The following PDIA6 variants were observed in gnomAD, a reference collection of about 807,000 sequenced individuals.
PDIA6 encodes protein disulfide isomerase family A member 6, also known as protein disulfide-isomerase A6.
PDIA6 carries 29 observed loss-of-function variants against 58.4 expected under a neutral mutation model. The ratio of observed to expected loss-of-function variants is 0.50; its 90% CI spans 0.37 to 0.68. PDIA6 has a LOEUF of 0.68. Ranked by LOEUF, PDIA6 falls within the 30% of genes least tolerant of loss-of-function variation. The pLI, the probability that PDIA6 is intolerant of heterozygous loss-of-function variation, is 0.00. For synonymous variants in PDIA6, 192 were observed against 202.6 expected (o/e 0.95, Z 0.44); for missense variants, 480 against 551.0 (o/e 0.87, Z 1.29).
chr2:10,822,027 C>T (rs1667411476), intron 1 of PDIA6, among the ~76,000 whole-genome samples: 1 of 151,510 alleles, frequency 6.6e-6, no homozygotes. Flanking sequence ...ACAGCCTCAA[C>T]CTCCTGGGCT....
intron 9 of PDIA6, 59 bp downstream of exon 9, chr2:10,788,838 A>C (rs1219059386): frequency 5.2e-6 from 8 of 1,552,170 alleles, no homozygotes; most frequent in Middle Eastern, 1.7e-4. Context: ...CCATTTAGAA[A>C]GTATTCTCAG....
rs757654682 is a variant in PDIA6 at position 10,789,933 on chromosome 2, T to G, written c.700-44A>C. The G allele has an allele frequency of 1.3e-6, 2 of 1,541,626 alleles. No individual in the cohort carries two copies. The highest frequency in any genetic ancestry group is 2.3e-5 in the South Asian group (2 of 87,534). The stretch of plus-strand genomic sequence containing the variant: ...AGGATAAAATCCAATTAACACTTAA[T>G]GCAAAATAACACAATCTTTACAGTT... On this transcript the variant is annotated intron_variant, in intron 7 of 12. Transcript: ENST00000272227.
chr2:10,820,097 C>A (rs1474863729), intron 1 of PDIA6, among the ~76,000 whole-genome samples: 1 of 152,154 alleles, frequency 6.6e-6, no homozygotes, highest in Admixed American at 6.5e-5. Context: ...TGGGGTAATA[C>A]CTGTGGTTCG....
intron 1 of PDIA6, chr2:10,823,417 G>A (rs1667458729): frequency 6.6e-6 from 1 of 152,212 alleles, no homozygotes; most frequent in African/African-American, 2.4e-5. Flanking sequence ...AAGTGGGAGA[G>A]GGTTAAGAAG....
chr2:10,836,371 T>C (rs1667832573), upstream of PDIA6, among the ~76,000 whole-genome samples: 1 of 152,052 alleles, frequency 6.6e-6, no homozygotes, highest in South Asian at 2.1e-4. Flanking sequence ...TTATTATTTA[T>C]TTATTTATTT....
In PDIA6 at chr2:10,793,109, C is replaced by T; in HGVS notation, c.440G>A (p.Ser147Asn). 1.9e-6 allele frequency: 3 copies of T among 1,611,950 alleles called. No homozygotes were observed. Among genetic ancestry groups the T allele is most frequent in the Non-Finnish European group, 2.5e-6 (3 of 1,177,992 alleles). Reference sequence around the variant, plus strand: ...TTATGGTCTTACTTGTTTTCCAGAACTGTATCCTCCGCTCCGTCCCCCGAG... The same window carrying T: ...TTATGGTCTTACTTGTTTTCCAGAATTGTATCCTCCGCTCCGTCCCCCGAG... Reference protein sequence around the residue: ...DRLGGRSGGYSSGKQGRSDSS... With the variant: ...DRLGGRSGGYNSGKQGRSDSS... The change falls in exon 5 of 13, where the codon AGT becomes AAT. Residue 147 changes from serine to asparagine, a missense_variant. By Grantham distance (46) the Ser-to-Asn change is conservative. Transcript: ENST00000272227.
upstream of PDIA6, among the ~76,000 whole-genome samples, chr2:10,834,180 C>T (rs1250920572): frequency 6.6e-6 from 1 of 152,228 alleles, no homozygotes; most frequent in African/African-American, 2.4e-5. Context: ...GCAGCAATTG[C>T]ATGATTTCAA....
chr2:10,800,628 G>A (rs1254501322), intron 2 of PDIA6, among the ~76,000 whole-genome samples: 2 of 148,850 alleles, frequency 1.3e-5, no homozygotes, highest in African/African-American at 5.0e-5. Flanking sequence ...TTTGAGACAG[G>A]CTCTCACTGT....
At chr2:10,787,521 G>T in intron 10 of PDIA6, 82 bp from the exon 11 acceptor site, 1 of 1,240,248 alleles carries the variant, frequency 8.1e-7, no homozygotes, top group Non-Finnish European at 1.1e-6. Context: ...GAGAACAAAA[G>T]ATCACGCTTC....
In PDIA6 at chr2:10,807,728, CTTT is replaced by C. The variant is rs1558453178; in HGVS notation, c.19+4947_19+4949del. Among the ~76,000 whole-genome samples the C allele has an allele frequency of 9.2e-5, 14 of 152,278 alleles. No homozygotes were observed. In the South Asian group the frequency reaches 2.9e-3, roughly 32 times the overall value. Reference sequence around the variant, plus strand: ...CTTTTTGGAATAACTAAATGGTACACTTTTTCTGGAAGGAGTGTACACCATTGT... The same window carrying C: ...CTTTTTGGAATAACTAAATGGTACACTTCTGGAAGGAGTGTACACCATTGT... On this transcript the variant is annotated intron_variant, in intron 1 of 12. Transcript: ENST00000272227.
At chr2:10,819,445 A>G (rs1667318812) in intron 1 of PDIA6, 1 of 768,882 alleles carries the variant, frequency 1.3e-6, no homozygotes, top group Non-Finnish European at 2.1e-6. Flanking sequence ...ACGTATTTAC[A>G]TCTGTGAACC....
chr2:10,787,130 C>T lies in PDIA6; in HGVS notation c.1157+151G>A, dbSNP rs979832918. 6 of 694,836 alleles carry T rather than the reference C, an allele frequency of 8.6e-6. No homozygotes were observed. The Admixed American group carries it at 1.6e-4, about 19-fold the overall frequency. 43.0% of individuals were successfully genotyped at this position (694,836 alleles called of 1,614,324 possible). A position where few individuals can be genotyped will look rare whatever the true frequency, so the allele number is the denominator to read the frequency against. ...AACGAACAGGGAGACAATTTAAAAA[C>T]TCTAATGTATAAACATTCAATTCTC... On this transcript the variant is annotated intron_variant, in intron 11 of 12. Transcript: ENST00000272227.
At chr2:10,804,956 T>C (rs1397755870) in intron 1 of PDIA6, among the ~76,000 whole-genome samples, 1 of 110,418 alleles carries the variant, frequency 9.1e-6, no homozygotes, top group Non-Finnish European at 2.2e-5. Flanking sequence ...AGTTCACTCA[T>C]GATTTGGCTC....
At chr2:10,817,227 G>A (rs1294563383), upstream of PDIA6, among the ~76,000 whole-genome samples, 2 of 152,196 alleles carry the variant, frequency 1.3e-5, no homozygotes, top group Non-Finnish European at 2.9e-5. Flanking sequence ...AAGAGTAAGT[G>A]GTTTGCAGAC....
At chr2:10,814,427 G>T (rs1033451744), upstream of PDIA6, among the ~76,000 whole-genome samples, 2 of 152,206 alleles carry the variant, frequency 1.3e-5, no homozygotes, top group South Asian at 2.1e-4. Context: ...AAGCCCAACC[G>T]GTGATCGCAG....
At chr2:10,820,863 A>G in intron 1 of PDIA6, 1 of 702,858 alleles carries the variant, frequency 1.4e-6, no homozygotes, top group Non-Finnish European at 2.6e-6. Flanking sequence ...GTCTCTTCTC[A>G]TGGATGCTGG....
At position 10,809,645 on chromosome 2, in the gene PDIA6, C is replaced by CAAAAAAAAAAAA. The variant is rs56308831; in HGVS notation, c.19+3021_19+3032dup. On this transcript the variant is annotated intron_variant, in intron 1 of 12. Coordinates refer to ENST00000272227, the MANE Select transcript of PDIA6 (RefSeq NM_005742.4). ...TGGGAGGCAGAGCAAGACCCGGTCT[C>CAAAAAAAAAAAA]AAAAAAAAAAAAAAAAAAAAAAAAA... 7.7e-5 allele frequency among the ~76,000 whole-genome samples: 5 copies of CAAAAAAAAAAAA among 64,666 alleles called. 1 individual carries two copies. The highest frequency in any genetic ancestry group is 2.1e-4 in the African/African-American group (4 of 19,316). 42.4% of individuals were successfully genotyped at this position (64,666 alleles called of 152,430 possible). A position where few individuals can be genotyped will look rare whatever the true frequency, so the allele number is the denominator to read the frequency against.
At chr2:10,793,898 C>T (rs1321474814) in intron 4 of PDIA6, among the ~76,000 whole-genome samples, 3 of 152,170 alleles carry the variant, frequency 2.0e-5, no homozygotes, top group Admixed American at 1.3e-4. Context: ...AGCCAAGTAA[C>T]TGGAAACCAT....
chr2:10,799,980 CTA>C lies in PDIA6; in HGVS notation c.162-2225_162-2224del, dbSNP rs536109176. 2.0e-3 allele frequency among the ~76,000 whole-genome samples: 296 copies of C among 150,800 alleles called. 1 individual carries two copies. The highest frequency in any genetic ancestry group is 6.2e-3 in the African/African-American group (253 of 40,814). On this transcript the variant is annotated intron_variant, in intron 2 of 12. Coordinates refer to ENST00000272227, the MANE Select transcript of PDIA6 (RefSeq NM_005742.4). ...TTAGGAAAAATTTAGGGGAGGGAGTCTATGAATTTGGATGAAAAAAAAGTCTT... is the reference window on the plus strand; with the variant it reads ...TTAGGAAAAATTTAGGGGAGGGAGTCTGAATTTGGATGAAAAAAAAGTCTT...
Sources: allele counts gnomAD v4.1 joint callset (sites outside exome capture counted in the v4.1 genomes callset), GRCh38; gene constraint gnomAD v4.1.1; transcripts MANE v1.5; gene names NCBI Gene and HGNC (gene_info 2026-07-23, HGNC 2026-07-21).